The following PCCB variants were observed in gnomAD, a reference collection of about 807,000 sequenced individuals.
The protein encoded by PCCB is propionyl-CoA carboxylase subunit beta.
A neutral mutation model predicts 60.7 loss-of-function variants in PCCB; 43 were observed. That is an observed-to-expected ratio of 0.71 (90% CI 0.55 to 0.91). The LOEUF (loss-of-function observed/expected upper bound fraction) is 0.91, where lower values mean the gene tolerates loss of function less well. Ranked by LOEUF, PCCB falls within the 40% of genes least tolerant of loss-of-function variation. PCCB has a pLI of 0.00. For synonymous variants in PCCB, 276 were observed against 255.9 expected (o/e 1.08, Z -0.75); for missense variants, 766 against 702.8 (o/e 1.09, Z -1.02).
chr3:136,277,487 T>C (rs140384963), intron 5 of PCCB, among the ~76,000 whole-genome samples: 2 of 152,020 alleles, frequency 1.3e-5, no homozygotes, highest in Admixed American at 6.6e-5. Context: ...GCCAAAAGTT[T>C]CTGTCCTTTG....
At chr3:136,286,077 C>G (rs1933388398) in intron 6 of PCCB, among the ~76,000 whole-genome samples, 1 of 152,188 alleles carries the variant, frequency 6.6e-6, no homozygotes. Flanking sequence ...ACTACAATAA[C>G]TAAAACTGTC....
intron 8 of PCCB, 68 bp downstream of exon 8, chr3:136,298,140 A>C: frequency 6.2e-7 from 1 of 1,602,596 alleles, no homozygotes; most frequent in Non-Finnish European, 8.5e-7. Flanking sequence ...CCCTGACAGG[A>C]CCCCCAGGGT....
At chr3:136,320,044 A>C (rs1232586318) in intron 10 of PCCB, among the ~76,000 whole-genome samples, 1 of 152,174 alleles carries the variant, frequency 6.6e-6, no homozygotes, top group Non-Finnish European at 1.5e-5. Context: ...TCTTAACACT[A>C]TTCTGTTGGT....
intron 6 of PCCB, among the ~76,000 whole-genome samples, chr3:136,285,005 T>C (rs1264387505): frequency 6.7e-6 from 1 of 148,328 alleles, no homozygotes; most frequent in African/African-American, 2.5e-5. Context: ...GGAGGATCAC[T>C]CGAGCCCAGA....
chr3:136,315,145 C>T (rs1934835561), intron 9 of PCCB, among the ~76,000 whole-genome samples: 2 of 152,192 alleles, frequency 1.3e-5, no homozygotes, highest in South Asian at 4.1e-4. Context: ...CTAAAAGCAC[C>T]AGGTGATCCT....
intron 9 of PCCB, among the ~76,000 whole-genome samples, chr3:136,312,440 T>C (rs1044716268): frequency 3.3e-5 from 5 of 152,246 alleles, no homozygotes; most frequent in African/African-American, 7.2e-5. Context: ...CAGTTTGTCA[T>C]TGACCAGAAC....
Position 136,262,058 on chromosome 3 carries a change from T to C in PCCB, c.536T>C (p.Ile179Thr), listed in dbSNP as rs957380859. ...GVESLAGYAD[I>T]FLRNVTASGV... ...GAGTCTTTGGCTGGCTATGCAGACA[T>C]CTTTCTGGTGAGAAACCTGTTAATA... is the stretch of plus-strand genomic sequence containing the variant. The change falls in exon 5 of 15, where the codon ATC becomes ACC. Residue 179 changes from isoleucine (I) to threonine (T), a missense_variant. Coordinates refer to ENST00000251654, the MANE Select transcript of PCCB (RefSeq NM_000532.5). The C allele has an allele frequency of 6.5e-7, 1 of 1,546,002 alleles. No individual in the cohort carries two copies. The highest frequency in any genetic ancestry group is 1.4e-5 in the African/African-American group (1 of 73,316).
At chr3:136,268,977 T>G (rs1026199873) in intron 5 of PCCB, among the ~76,000 whole-genome samples, 5 of 152,188 alleles carry the variant, frequency 3.3e-5, no homozygotes, top group African/African-American at 1.2e-4. Flanking sequence ...TTGTTAAACT[T>G]ATACCTAAAA....
At chr3:136,259,809 C>G (rs1271625676) in intron 3 of PCCB, among the ~76,000 whole-genome samples, 1 of 151,968 alleles carries the variant, frequency 6.6e-6, no homozygotes. Flanking sequence ...CTGGAGTGCA[C>G]TGGAGCAATC....
intron 10 of PCCB, among the ~76,000 whole-genome samples, chr3:136,320,138 C>T (rs1039201609): frequency 1.3e-5 from 2 of 152,172 alleles, no homozygotes. Context: ...AGTGTGTCTT[C>T]CAACTTTATT....
chr3:136,330,137 G>A lies in PCCB; in HGVS notation c.*111G>A, dbSNP rs1219523864. On this transcript the variant is annotated 3_prime_UTR_variant, in exon 15 of 15. Transcript: ENST00000251654. ...GGAATCCAAATAGTTGGATAACTTA[G>A]AATAACTAAGTTTATTAAATTCTAG... The A allele has an allele frequency of 6.3e-7, 1 of 1,577,056 alleles. No homozygotes were observed. Among genetic ancestry groups the A allele is most frequent in the African/African-American group, 1.4e-5 (1 of 73,730 alleles).
intron 3 of PCCB, chr3:136,260,070 T>G: frequency 3.8e-6 from 1 of 266,168 alleles, no homozygotes. Flanking sequence ...TTGTTTTGTT[T>G]TGTTTTGTTT....
intron 5 of PCCB, among the ~76,000 whole-genome samples, chr3:136,269,046 C>G (rs1359142692): frequency 6.6e-6 from 1 of 152,058 alleles, no homozygotes; most frequent in African/African-American, 2.4e-5. Flanking sequence ...TTGGGGAGGC[C>G]AAGGCAGGGG....
At chr3:136,306,340 A>C (rs1242261886) in intron 9 of PCCB, among the ~76,000 whole-genome samples, 2 of 122,172 alleles carry the variant, frequency 1.6e-5, no homozygotes, top group Non-Finnish European at 3.7e-5. Context: ...AATAGTAAGA[A>C]GTTAAAGCTG....
At chr3:136,285,049 C>G (rs1490554541) in intron 6 of PCCB, among the ~76,000 whole-genome samples, 2 of 145,744 alleles carry the variant, frequency 1.4e-5, no homozygotes, top group Non-Finnish European at 3.0e-5. Flanking sequence ...GATCGTGCCA[C>G]TGCACTCTAG....
intron 9 of PCCB, among the ~76,000 whole-genome samples, chr3:136,314,841 A>T (rs1456582710): frequency 6.6e-6 from 1 of 152,184 alleles, no homozygotes; most frequent in Non-Finnish European, 1.5e-5. Context: ...GTCTCAACGT[A>T]TTTCCTCACA....
intron 5 of PCCB, among the ~76,000 whole-genome samples, chr3:136,262,954 G>GTTTT (rs570598390): frequency 4.1e-5 from 5 of 122,874 alleles, no homozygotes; most frequent in Non-Finnish European, 6.8e-5. Context: ...TCTGGAGGAG[G>GTTTT]TTTTTTTTTT....
chr3:136,272,042 C>T (rs1402099311), intron 5 of PCCB, among the ~76,000 whole-genome samples: 1 of 152,110 alleles, frequency 6.6e-6, no homozygotes, highest in African/African-American at 2.4e-5. Context: ...CCCTCCTATG[C>T]CTAGTTTGAG....
intron 5 of PCCB, among the ~76,000 whole-genome samples, chr3:136,266,131 G>GT (rs757902404): frequency 0.017 from 2,127 of 124,844 alleles, 34 homozygotes; most frequent in East Asian, 0.059. Context: ...CCCAGCCTTG[G>GT]TTTTTTTTTT....
Sources: gnomAD v4.1 joint callset for allele counts (sites outside exome capture counted in the v4.1 genomes callset) on GRCh38, gnomAD v4.1.1 for gene constraint, MANE v1.5 for transcripts, NCBI Gene and HGNC (gene_info 2026-07-23, HGNC 2026-07-21) for gene names.